Variants in ANKLE2 observed in about 807,000 individuals in gnomAD.
The protein encoded by ANKLE2 is ankyrin repeat and LEM domain-containing protein 2.
ANKLE2 carries 55 observed loss-of-function variants against 84.2 expected under a neutral mutation model. That is an observed-to-expected ratio of 0.65 (90% CI 0.53 to 0.82). ANKLE2 has a LOEUF of 0.82. ANKLE2 is among the 40% of genes least tolerant of loss of function. ANKLE2 has a pLI of 0.00. For synonymous variants in ANKLE2, 551 were observed against 486.1 expected, an observed-to-expected ratio of 1.13 and a Z score of -1.76; for missense variants, 1,238 against 1,201.9, an observed-to-expected ratio of 1.03 and a Z score of -0.44.
rs369408787 is a variant in ANKLE2 at position 132,735,364 on chromosome 12, CAACT to C, written c.1700+38_1700+41del. 7,912 of 1,563,586 alleles carry C rather than the reference CAACT, an allele frequency of 5.1e-3. 20 individuals are homozygous for C. Among genetic ancestry groups the C allele is most frequent in the Non-Finnish European group, 6.3e-3 (7,119 of 1,134,138 alleles). On this transcript the variant is annotated intron_variant, in intron 9 of 12. Transcript: ENST00000357997. ...CTTCTGTCATTAATCAAAATGCAAC[CAACT>C]GTGTGCCCCACGCTGCTGCGGCTCA... is the stretch of plus-strand genomic sequence containing the variant.
At position 132,726,029 on chromosome 12, in the gene ANKLE2, A is replaced by G. The variant is rs2043693069; in HGVS notation, c.*1213T>C. The G allele has an allele frequency of 6.6e-6, 1 of 152,258 alleles. No individual in the cohort carries two copies. The highest frequency in any genetic ancestry group is 2.1e-4 in the South Asian group (1 of 4,838). 9.4% of individuals were successfully genotyped at this position (152,258 alleles called of 1,614,324 possible). Reference sequence around the variant, plus strand: ...ACAAAAACAATCCTGCGTCTACTTAATATCCCTGTATATCCTCAAAAAGCA... The same window carrying G: ...ACAAAAACAATCCTGCGTCTACTTAGTATCCCTGTATATCCTCAAAAAGCA... On this transcript the variant is annotated 3_prime_UTR_variant, in exon 13 of 13. Coordinates refer to ENST00000357997, the MANE Select transcript of ANKLE2 (RefSeq NM_015114.3).
At chr12:132,760,783 C>A (rs7133163) in intron 1 of ANKLE2, 41,439 of 152,104 alleles carry the variant, frequency 0.27, 6,298 homozygotes, top group East Asian at 0.58. Flanking sequence ...ATTTCACAGG[C>A]GTGATTCATC....
intron 2 of ANKLE2, among the ~76,000 whole-genome samples, chr12:132,753,667 G>A (rs1350382275): frequency 1.3e-5 from 2 of 152,050 alleles, no homozygotes; most frequent in African/African-American, 4.8e-5. Context: ...CAGCTACTCA[G>A]GAGGCTGAGG....
chr12:132,745,508 A>C (rs986998696), intron 5 of ANKLE2: 3 of 152,854 alleles, frequency 2.0e-5, no homozygotes, highest in Non-Finnish European at 2.9e-5. Context: ...TGCAAGACTC[A>C]GGAAATGCTC....
rs781326239 is a variant in ANKLE2, at chr12:132,728,134, A to G, written c.2513T>C (p.Val838Ala). The G allele has an allele frequency of 1.9e-6, 3 of 1,612,872 alleles. No individual in the cohort carries two copies. The highest frequency in any genetic ancestry group is 3.3e-5 in the Admixed American group (2 of 59,970). The change falls in exon 12 of 13, where the codon GTT becomes GCT. Residue 838 changes from valine to alanine, a missense_variant. Around this residue, in one of 3 missense-constraint regions of ANKLE2, gnomAD observed 802 missense variants for 774.5 expected, o/e 1.04. Transcript: ENST00000357997. ...GTCTGCACATTCAAGAGCGGCCAAA[A>G]CATCCTGATCGAGTTTTGATGGCTC... ...GEEPSKLDQD[V>A]LAALECADVD...
rs1041319206 is a variant in ANKLE2 at position 132,727,094 on chromosome 12, G to A, written c.*148C>T. ...ATATCAGAAATCTAAGTGTTATATA[G>A]AACATTTAAATCTTCTAAAATTCTC... On this transcript the variant is annotated 3_prime_UTR_variant, in exon 13 of 13. Transcript: ENST00000357997. 9 of 853,630 alleles carry A rather than the reference G, an allele frequency of 1.1e-5. No individual in the cohort carries two copies. Among genetic ancestry groups the A allele is most frequent in the African/African-American group, 8.5e-5 (5 of 59,142 alleles). 52.9% of individuals were successfully genotyped at this position (853,630 alleles called of 1,614,324 possible).
At chr12:132,727,483 G>A (rs2043723982) in intron 12 of ANKLE2, 40 bp from the exon 13 acceptor site, 9 of 1,533,398 alleles carry the variant, frequency 5.9e-6, no homozygotes, top group Non-Finnish European at 7.9e-6. Context: ...GACGGGCACA[G>A]GCCCGGAGAT....
intron 6 of ANKLE2, among the ~76,000 whole-genome samples, chr12:132,742,729 C>T (rs1485868073): frequency 0.012 from 3 of 246 alleles, no homozygotes; most frequent in Non-Finnish European, 0.023. Context: ...ACCACCACTG[C>T]CAACACCACC....
At chr12:132,737,302 A>G in intron 7 of ANKLE2, 1 of 442,262 alleles carries the variant, frequency 2.3e-6, no homozygotes, top group African/African-American at 2.0e-5. Context: ...ATTTTCCTCC[A>G]CTGCTACAAG....
In ANKLE2 at chr12:132,754,905, A is replaced by G. The variant is rs748801442; in HGVS notation, c.410T>C (p.Ile137Thr). The part of the protein sequence containing the change: ...VTALSQDPQR[I>T]LKPAEGNPTD... Reference sequence around the variant, plus strand: ...TGGGTTCCCTTCAGCTGGCTTCAAAATCCTTTGTGGGTCCTGGCTGAGAGC... The same window carrying G: ...TGGGTTCCCTTCAGCTGGCTTCAAAGTCCTTTGTGGGTCCTGGCTGAGAGC... The change falls in exon 2 of 13, where the codon ATT becomes ACT. Residue 137 changes from isoleucine (I) to threonine (T), a missense_variant. Transcript: ENST00000357997. 6.2e-7 allele frequency: 1 copy of G among 1,613,994 alleles called. No homozygotes were observed. Among genetic ancestry groups the G allele is most frequent in the Non-Finnish European group, 8.5e-7 (1 of 1,180,028 alleles).
At chr12:132,761,279 T>G in intron 1 of ANKLE2, 2 of 208,188 alleles carry the variant, frequency 9.6e-6, no homozygotes, top group African/African-American at 2.3e-5. Flanking sequence ...CCGCCCTCCT[T>G]TGGGCCATCC....
intron 1 of ANKLE2, chr12:132,759,118 C>T (rs574993487): frequency 1.7e-5 from 1 of 57,304 alleles, no homozygotes; most frequent in Non-Finnish European, 3.5e-5. Context: ...GAGTGGATCA[C>T]GCAGAGTGGC....
rs1344373145 is a variant in ANKLE2, at chr12:132,726,525, C to A, written c.*717G>T. 2 of 152,234 alleles carry A rather than the reference C, an allele frequency of 1.3e-5. No homozygotes were observed. The allele number at this position is 152,234 out of a possible 1,614,324, so 9.4% of individuals were successfully genotyped here. A position where few individuals can be genotyped will look rare whatever the true frequency, so the allele number is the denominator to read the frequency against. ...TCACGTGCTGAGGAAACAGGGAACA[C>A]CTTGGCGCCGCTGCTGAGCTCTGTG... On this transcript the variant is annotated 3_prime_UTR_variant, in exon 13 of 13. Transcript: ENST00000357997.
At chr12:132,735,380 G>A (rs371195634) in intron 9 of ANKLE2, 26 bp downstream of exon 9, 33 of 1,594,590 alleles carry the variant, frequency 2.1e-5, no homozygotes, top group African/African-American at 8.1e-5. Flanking sequence ...TGTGCCCCAC[G>A]CTGCTGCGGC....
In ANKLE2 at chr12:132,761,633, C is replaced by A; in HGVS notation, c.166G>T (p.Ala56Ser). 7.9e-7 allele frequency: 1 copy of A among 1,260,210 alleles called. No homozygotes were observed. Among genetic ancestry groups the A allele is most frequent in the South Asian group, 2.7e-5 (1 of 36,760 alleles). The allele number at this position is 1,260,210 out of a possible 1,614,324, so 78.1% of individuals were successfully genotyped here. Residue 56 changes from alanine to serine, a missense_variant, in exon 1 of 13, where the codon GCC (alanine) becomes TCC (serine). By Grantham distance (99) the Ala-to-Ser change is moderately conservative. Transcript: ENST00000357997. ...GTPVPPPSAA[A>S]APASGEMTMD... ...TGGGCCTTACCTGAGGCGGGGGCGG[C>A]GGCCGCGCTTGGCGGAGGAACTGGG...
intron 5 of ANKLE2, chr12:132,745,425 C>T (rs1053153733): frequency 2.6e-5 from 4 of 155,416 alleles, no homozygotes; most frequent in Non-Finnish European, 4.4e-5. Flanking sequence ...TGAAACGGAA[C>T]CCTCTCTAAC....
Position 132,734,466 on chromosome 12 carries a change from TGA to T in ANKLE2, c.1808_1809del (p.Leu603HisfsTer23), listed in dbSNP as rs2043965136. 1 of 1,614,026 alleles carries T rather than the reference TGA, an allele frequency of 6.2e-7. No homozygotes were observed. Among genetic ancestry groups the T allele is most frequent in the African/African-American group, 1.3e-5 (1 of 74,904 alleles). On this transcript the variant is annotated frameshift_variant, in exon 10 of 13. Transcript: ENST00000357997. LOFTEE classifies it high-confidence loss of function. ...QEGLQRLEEY[L>X]TQQEIGKKAQ... ...GCCTTTTTGCCTATTTCCTGCTGTGTGAGATATTCTTCTAGTCTTTGCAGGCC... is the reference window on the plus strand; with the variant it reads ...GCCTTTTTGCCTATTTCCTGCTGTGTGATATTCTTCTAGTCTTTGCAGGCC...
intron 2 of ANKLE2, among the ~76,000 whole-genome samples, chr12:132,752,104 GC>G (rs1295391682): frequency 6.6e-6 from 1 of 152,098 alleles, no homozygotes; most frequent in East Asian, 2.0e-4. Context: ...ACTTTGGGAG[GC>G]TGAGGCAGGT....
intron 7 of ANKLE2, among the ~76,000 whole-genome samples, chr12:132,740,627 G>C (rs879434364): frequency 3.3e-5 from 5 of 152,042 alleles, no homozygotes; most frequent in Non-Finnish European, 7.4e-5. Context: ...CAGACTTCGA[G>C]CTAAGATGGC....
Sources: gnomAD v4.1 joint callset for allele counts (sites outside exome capture counted in the v4.1 genomes callset) on GRCh38, gnomAD v4.1.1 for gene constraint, gnomAD v4.1.1 regional missense constraint, MANE v1.5 for transcripts, NCBI Gene and HGNC (gene_info 2026-07-23, HGNC 2026-07-21) for gene names.